COL21A1: variants seen among roughly 807,000 people sequenced by gnomAD.
COL21A1 encodes collagen alpha-1(XXI) chain.
A neutral mutation model predicts 137.9 loss-of-function variants in COL21A1; 149 were observed. That is an observed-to-expected ratio of 1.08 (90% CI 0.95 to 1.24). The LOEUF (loss-of-function observed/expected upper bound fraction) is 1.24. Among genes scored for constraint, COL21A1 ranks in the 50% most tolerant of loss-of-function variants. The pLI, the probability that COL21A1 is intolerant of heterozygous loss-of-function variation, is 0.00. For synonymous variants in COL21A1, 456 were observed against 391.5 expected, an observed-to-expected ratio of 1.16 and a Z score of -1.95; for missense variants, 1,167 against 1,158.4, an observed-to-expected ratio of 1.01 and a Z score of -0.11.
At chr6:56,385,825 T>A (rs1342892100) in intron 1 of COL21A1, among the ~76,000 whole-genome samples, 1 of 152,182 alleles carries the variant, frequency 6.6e-6, no homozygotes, top group Non-Finnish European at 1.5e-5. Context: ...TATGTGACCT[T>A]TTGTGTTTGG....
At chr6:56,150,948 G>T (rs1012999610) in intron 10 of COL21A1, among the ~76,000 whole-genome samples, 3 of 152,198 alleles carry the variant, frequency 2.0e-5, no homozygotes, top group Non-Finnish European at 2.9e-5. Context: ...ACTCGGCCGG[G>T]GGCGGTGGCT....
chr6:56,217,168 G>C (rs1006548357), intron 1 of COL21A1, among the ~76,000 whole-genome samples: 1 of 152,132 alleles, frequency 6.6e-6, no homozygotes, highest in Non-Finnish European at 1.5e-5. Context: ...AAAGTATATT[G>C]CTAGCTTTTT....
At chr6:56,068,776 A>G (rs1487819808) in intron 22 of COL21A1, 6 of 240,210 alleles carry the variant, frequency 2.5e-5, no homozygotes, top group Non-Finnish European at 4.8e-5. Flanking sequence ...ACCTGAATTT[A>G]CAGGATATTA....
chr6:56,125,031 T>C (rs1245819536), intron 14 of COL21A1, among the ~76,000 whole-genome samples: 9 of 135,246 alleles, frequency 6.7e-5, no homozygotes, highest in African/African-American at 2.6e-4. Flanking sequence ...TTTTTTTTTT[T>C]TTTTTTTGAG....
At chr6:56,082,840 A>T (rs888065632) in intron 17 of COL21A1, among the ~76,000 whole-genome samples, 1 of 151,800 alleles carries the variant, frequency 6.6e-6, no homozygotes, top group African/African-American at 2.4e-5. Context: ...ATCTAATCTA[A>T]TATCTTCTAT....
intron 1 of COL21A1, among the ~76,000 whole-genome samples, chr6:56,294,750 G>A (rs993103994): frequency 2.1e-4 from 32 of 151,886 alleles, no homozygotes; most frequent in Admixed American, 9.2e-4. Context: ...TTGGTGAGGC[G>A]TCTGTTCAGA....
chr6:56,285,733 A>G (rs776517820), intron 1 of COL21A1, among the ~76,000 whole-genome samples: 3 of 152,082 alleles, frequency 2.0e-5, no homozygotes, highest in Non-Finnish European at 4.4e-5. Flanking sequence ...GAGCAAATCA[A>G]AGTCCTCTTC....
chr6:56,057,712 A>G lies in COL21A1; in HGVS notation c.2819T>C (p.Leu940Pro). ...TCTTCTGGCAATTACACTAAAACATAGTGATGGGTCGCAGATGCCTGGGGG... is the reference window on the plus strand; with the variant it reads ...TCTTCTGGCAATTACACTAAAACATGGTGATGGGTCGCAGATGCCTGGGGG... ...PGPPGICDPS[L>P]CFSVIARRDP... Residue 940 changes from leucine to proline, a missense_variant, in exon 30 of 30, where the codon CTA becomes CCA. By Grantham distance (98) the Leu-to-Pro change is moderately conservative. Coordinates refer to ENST00000244728, the MANE Select transcript of COL21A1 (RefSeq NM_030820.4). 1 of 1,613,182 alleles carries G rather than the reference A, an allele frequency of 6.2e-7. No homozygotes were observed. The highest frequency in any genetic ancestry group is 8.5e-7 in the Non-Finnish European group (1 of 1,179,552).
intron 1 of COL21A1, among the ~76,000 whole-genome samples, chr6:56,285,284 C>A (rs191947571): frequency 2.2e-4 from 33 of 152,284 alleles, no homozygotes; most frequent in Admixed American, 5.2e-4. Flanking sequence ...CATCACTAGG[C>A]TTTTCAAGCA....
intron 1 of COL21A1, among the ~76,000 whole-genome samples, chr6:56,216,242 GT>G (rs1467012761): frequency 1.3e-5 from 2 of 152,062 alleles, no homozygotes; most frequent in African/African-American, 4.8e-5. Context: ...TGCTGCATTA[GT>G]GGCCGTGTTC....
intron 23 of COL21A1, among the ~76,000 whole-genome samples, chr6:56,067,087 G>T (rs1766327203): frequency 6.6e-6 from 1 of 150,716 alleles, no homozygotes; most frequent in South Asian, 2.1e-4. Context: ...GAATCATTTT[G>T]TTTCTAAGTT....
At chr6:56,253,076 A>G (rs555769562) in intron 1 of COL21A1, among the ~76,000 whole-genome samples, 192 of 152,304 alleles carry the variant, frequency 1.3e-3, no homozygotes, top group African/African-American at 4.4e-3. Flanking sequence ...CTTAAAAGTG[A>G]TATGTTCATT....
intron 1 of COL21A1, among the ~76,000 whole-genome samples, chr6:56,333,915 T>G (rs1197891371): frequency 2.0e-5 from 3 of 152,134 alleles, no homozygotes; most frequent in Non-Finnish European, 4.4e-5. Flanking sequence ...ACGTCGTCTT[T>G]GATCCAATCT....
chr6:56,121,829 C>CA (rs1025449689), intron 16 of COL21A1, among the ~76,000 whole-genome samples: 2 of 150,818 alleles, frequency 1.3e-5, no homozygotes, highest in East Asian at 1.9e-4. Flanking sequence ...GTAATTTAAA[C>CA]AAAAAAAGTA....
chr6:56,139,036 G>A lies in COL21A1; in HGVS notation c.1542+2749C>T, dbSNP rs149979366. Among the ~76,000 whole-genome samples the A allele has an allele frequency of 7.4e-4, 112 of 152,212 alleles. No homozygotes were observed. In the East Asian group the frequency reaches 0.012, roughly 16 times the overall value. ...GGACACTTCGCCCATAATAAGAGGA[G>A]GAAAGGCAGAATATAGGTACATATA... On this transcript the variant is annotated intron_variant, in intron 12 of 29. Transcript: ENST00000244728.
intron 17 of COL21A1, among the ~76,000 whole-genome samples, chr6:56,094,377 G>GT (rs1769135139): frequency 6.6e-6 from 1 of 152,112 alleles, no homozygotes; most frequent in Non-Finnish European, 1.5e-5. Flanking sequence ...TCTAGCAACA[G>GT]TGTGTTGATG....
chr6:56,121,105 G>A lies in COL21A1; in HGVS notation c.1758+2957C>T, dbSNP rs150387968. Among the ~76,000 whole-genome samples, 146 of 152,244 alleles carry A rather than the reference G, an allele frequency of 9.6e-4. No individual in the cohort carries two copies. In the Middle Eastern group the frequency reaches 0.01, roughly 11 times the overall value. On this transcript the variant is annotated intron_variant, in intron 16 of 29. Coordinates refer to ENST00000244728, the MANE Select transcript of COL21A1 (RefSeq NM_030820.4). ...CATTATGCTAAGTGAAATAAGCCAG[G>A]AACAGAAAGACAAACATCACATGTT... is the stretch of plus-strand genomic sequence containing the variant.
At chr6:56,205,158 T>C (rs1322937956) in intron 1 of COL21A1, among the ~76,000 whole-genome samples, 2 of 152,054 alleles carry the variant, frequency 1.3e-5, no homozygotes, top group African/African-American at 4.8e-5. Context: ...GAAGTAGGCT[T>C]CAGAAGGTGG....
At position 56,074,872 on chromosome 6, in the gene COL21A1, G is replaced by A. The variant is rs900559688; in HGVS notation, c.1912-587C>T. Among the ~76,000 whole-genome samples, 3 of 150,640 alleles carry A rather than the reference G, an allele frequency of 2.0e-5. No homozygotes were observed. In the East Asian group the frequency reaches 5.9e-4, roughly 30 times the overall value. ...TTTAACACACTTTACAAAGGAAAAG[G>A]GATTAAAAAATTATATCATTAGAAA... On this transcript the variant is annotated intron_variant, in intron 19 of 29. Transcript: ENST00000244728.
Sources: gnomAD v4.1 joint callset for allele counts (sites outside exome capture counted in the v4.1 genomes callset) on GRCh38, gnomAD v4.1.1 for gene constraint, MANE v1.5 for transcripts, NCBI Gene and HGNC (gene_info 2026-07-23, HGNC 2026-07-21) for gene names.